The following BCAT2 variants were observed in gnomAD, a reference collection of about 807,000 sequenced individuals.
BCAT2 encodes branched-chain-amino-acid aminotransferase, mitochondrial.
In BCAT2, 44 loss-of-function variants were observed where a neutral mutation model predicts 52.9. The observed-to-expected ratio is 0.83, with a 90% CI of 0.65 to 1.07. The LOEUF (loss-of-function observed/expected upper bound fraction) is 1.07, where lower values mean the gene tolerates loss of function less well. Among genes scored for constraint, BCAT2 ranks in the 50% least tolerant of loss-of-function variants. BCAT2 has a pLI of 0.00. For synonymous variants in BCAT2, 215 were observed against 217.1 expected (o/e 0.99, Z 0.08); for missense variants, 478 against 521.8 (o/e 0.92, Z 0.82).
chr19:48,806,335 C>T (rs539840444), intron 3 of BCAT2, among the ~76,000 whole-genome samples, 182 bp downstream of exon 3: 4 of 151,806 alleles, frequency 2.6e-5, no homozygotes, highest in South Asian at 2.1e-4. Flanking sequence ...CTGCTCATCT[C>T]GGGGAACCCA....
At chr19:48,797,472 A>C in intron 6 of BCAT2, 139 bp from the exon 7 acceptor site, 1 of 1,056,910 alleles carries the variant, frequency 9.5e-7, no homozygotes, top group Non-Finnish European at 1.3e-6. Flanking sequence ...CTGAGATGGA[A>C]TCCTTGACTT....
At chr19:48,798,148 G>A (rs1176260600) in intron 6 of BCAT2, among the ~76,000 whole-genome samples, 9 of 152,078 alleles carry the variant, frequency 5.9e-5, no homozygotes, top group African/African-American at 9.6e-5. Flanking sequence ...CAAGTGATCC[G>A]CCTACCTCGG....
intron 3 of BCAT2, among the ~76,000 whole-genome samples, chr19:48,801,797 C>T (rs1485081419): frequency 3.3e-5 from 5 of 152,124 alleles, no homozygotes; most frequent in South Asian, 4.2e-4. Flanking sequence ...CAACCACGCC[C>T]GGCTAATTTT....
At position 48,795,209 on chromosome 19, in the gene BCAT2, C is replaced by A. The variant is rs2122640946; in HGVS notation, c.*217G>T. The A allele has an allele frequency of 1.6e-6, 1 of 619,080 alleles. No individual in the cohort carries two copies. The highest frequency in any genetic ancestry group is 2.7e-5 in the Admixed American group (1 of 37,588). 38.3% of individuals were successfully genotyped at this position (619,080 alleles called of 1,614,324 possible). ...TGACCGCACGACAAGGAGTAATGGG[C>A]GGACCTGAACCCGCGACGAGGGGCT... On this transcript the variant is annotated 3_prime_UTR_variant, in exon 11 of 11. Coordinates refer to ENST00000316273, the MANE Select transcript of BCAT2 (RefSeq NM_001190.4).
At chr19:48,801,063 T>C (rs1438194906) in intron 3 of BCAT2, among the ~76,000 whole-genome samples, 1 of 151,978 alleles carries the variant, frequency 6.6e-6, no homozygotes, top group Non-Finnish European at 1.5e-5. Flanking sequence ...TCTCTGCTGA[T>C]TGCAACCTCC....
At position 48,799,758 on chromosome 19, in the gene BCAT2, G is replaced by A. The variant is rs1323934181; in HGVS notation, c.612C>T (p.Gly204=). 1 of 1,579,214 alleles carries A rather than the reference G, an allele frequency of 6.3e-7. No individual in the cohort carries two copies. The highest frequency in any genetic ancestry group is 1.9e-5 in the Admixed American group (1 of 53,034). Residue 204 remains glycine, a synonymous_variant, in exon 6 of 11, where the codon GGC becomes GGT. Coordinates refer to ENST00000316273, the MANE Select transcript of BCAT2 (RefSeq NM_001190.4). The surrounding 1 kb of genome is among the most constrained non-coding windows in gnomAD (Gnocchi z 5.5). ...LCPVGAYFPG[G]SVTPVSLLAD... Reference sequence around the variant, plus strand: ...CCAGGAGGGAGACCGGGGTCACGGAGCCTCCAGGGAAGTAGGCACCCACTG... The same window carrying A: ...CCAGGAGGGAGACCGGGGTCACGGAACCTCCAGGGAAGTAGGCACCCACTG...
chr19:48,798,184 C>T (rs79504071), intron 6 of BCAT2, among the ~76,000 whole-genome samples: 1 of 152,138 alleles, frequency 6.6e-6, no homozygotes. Flanking sequence ...GGATTACAAG[C>T]GTGAGCTACC....
chr19:48,807,991 G>A lies in BCAT2; in HGVS notation c.25-917C>T, dbSNP rs1038140965. The A allele has an allele frequency of 1.5e-5, 15 of 986,044 alleles. No individual in the cohort carries two copies. In the Admixed American group the frequency reaches 1.8e-4, roughly 12 times the overall value. The allele number at this position is 986,044 out of a possible 1,614,324, so 61.1% of individuals were successfully genotyped here. Reference sequence around the variant, plus strand: ...CAGCCCTGTGGGGAGGCGTTGGGGCGTGAGGTTGAGAGAGACAGAGTGGCC... The same window carrying A: ...CAGCCCTGTGGGGAGGCGTTGGGGCATGAGGTTGAGAGAGACAGAGTGGCC... On this transcript the variant is annotated intron_variant, in intron 1 of 10. Transcript: ENST00000316273. This position sits in a 1 kb window ranked among gnomAD's most constrained non-coding sequence, Gnocchi z 4.6.
At chr19:48,806,977 A>T in intron 2 of BCAT2, 23 bp downstream of exon 2, 1 of 1,610,490 alleles carries the variant, frequency 6.2e-7, no homozygotes, top group Non-Finnish European at 8.5e-7. Flanking sequence ...CTCAGAGCCA[A>T]GCATCGAGTT....
At position 48,807,105 on chromosome 19, in the gene BCAT2, G is replaced by T. The variant is rs1297774821; in HGVS notation, c.25-31C>A. ...TGGAGAAAGAAGTGAGAGAGGGGGT[G>T]AGTGGGGCACAGCAGGGGCCCTGGC... is the stretch of plus-strand genomic sequence containing the variant. On this transcript the variant is annotated intron_variant, in intron 1 of 10. Transcript: ENST00000316273. This position sits in a 1 kb window ranked among gnomAD's most constrained non-coding sequence, Gnocchi z 4.6. 1.3e-6 allele frequency: 2 copies of T among 1,590,688 alleles called. No homozygotes were observed. The highest frequency in any genetic ancestry group is 1.7e-6 in the Non-Finnish European group (2 of 1,162,210).
rs529689072 is a variant in BCAT2, at chr19:48,797,126, C to A, written c.838+65G>T. On this transcript the variant is annotated intron_variant, in intron 7 of 10. Coordinates refer to ENST00000316273, the MANE Select transcript of BCAT2 (RefSeq NM_001190.4). ...ATCCCAGAATCCCTGGGGCCTGTAA[C>A]CTGCCAGGAATGATGGTGCCACCCA... The A allele has an allele frequency of 2.2e-5, 36 of 1,607,598 alleles. No homozygotes were observed. The East Asian group carries it at 3.8e-4, about 17-fold the overall frequency.
Position 48,802,441 on chromosome 19 carries a change from CTTTTTTTTTTTTT to C in BCAT2, c.301-2157_301-2145del, listed in dbSNP as rs35775607. Among the ~76,000 whole-genome samples, 24 of 87,040 alleles carry C rather than the reference CTTTTTTTTTTTTT, an allele frequency of 2.8e-4. No individual in the cohort carries two copies. In the East Asian group the frequency reaches 8.1e-3, roughly 29 times the overall value. The allele number at this position is 87,040 out of a possible 152,430, so 57.1% of individuals were successfully genotyped here. A position where few individuals can be genotyped will look rare whatever the true frequency, so the allele number is the denominator to read the frequency against. ...AAGAAGGGACGTGTGTACTGGATTCCTTTTTTTTTTTTTTTTTTTTTTTTGAGATGGAGTCTCA... is the reference window on the plus strand; with the variant it reads ...AAGAAGGGACGTGTGTACTGGATTCCTTTTTTTTTTTGAGATGGAGTCTCA... On this transcript the variant is annotated intron_variant, in intron 3 of 10. Transcript: ENST00000316273.
chr19:48,810,213 T>C (rs1209435314), intron 1 of BCAT2, among the ~76,000 whole-genome samples: 2 of 152,168 alleles, frequency 1.3e-5, no homozygotes, highest in Non-Finnish European at 2.9e-5. Flanking sequence ...GATAAGAGAC[T>C]CAAATAAAGT....
intron 2 of BCAT2, 24 bp from the exon 3 acceptor site, chr19:48,806,741 A>G (rs1237382877): frequency 6.2e-7 from 1 of 1,609,652 alleles, no homozygotes; most frequent in Non-Finnish European, 8.5e-7. Flanking sequence ...GGGGTATCCT[A>G]GAATCTGGCC....
At chr19:48,797,814 CT>C (rs11310101) in intron 6 of BCAT2, among the ~76,000 whole-genome samples, 23,786 of 130,464 alleles carry the variant, frequency 0.18, 1,621 homozygotes, top group Non-Finnish European at 0.2. Flanking sequence ...TTCTTTTTTT[CT>C]TTTTTTTTTT....
chr19:48,801,780 G>A (rs909270604), intron 3 of BCAT2, among the ~76,000 whole-genome samples: 1 of 151,950 alleles, frequency 6.6e-6, no homozygotes, highest in Admixed American at 6.6e-5. Context: ...GGGATTACAG[G>A]TGCCTACAAC....
chr19:48,796,597 C>G lies in BCAT2; in HGVS notation c.1046G>C (p.Arg349Pro). The change falls in exon 9 of 11, where the codon CGA (arginine) becomes CCA (proline). Residue 349 changes from arginine (R) to proline (P), a missense_variant. Physicochemically the swap from Arg to Pro is moderately radical, Grantham distance 103. Transcript: ENST00000316273. ...CCTCACCCTGTCTTTGTACAGGATT[C>G]GGTGCACTGGGCAGACCTGGCAAGC... ...GTACQVCPVH[R>P]ILYKDRNLHI... 6.2e-7 allele frequency: 1 copy of G among 1,612,852 alleles called. No individual in the cohort carries two copies.
At chr19:48,808,339 G>C in intron 1 of BCAT2, 1 of 829,320 alleles carries the variant, frequency 1.2e-6, no homozygotes. Flanking sequence ...ATGAAAAAAA[G>C]AGAGTAAGAG....
rs1304189080 is a variant in BCAT2, at chr19:48,799,839, C to A, written c.532-1G>T. 4 of 1,559,532 alleles carry A rather than the reference C, an allele frequency of 2.6e-6. No individual in the cohort carries two copies. Among genetic ancestry groups the A allele is most frequent in the Non-Finnish European group, 3.5e-6 (4 of 1,151,868 alleles). On this transcript the variant is annotated splice_acceptor_variant, in intron 5 of 10. Transcript: ENST00000316273. LOFTEE classifies it high-confidence loss of function. The surrounding 1 kb of genome is among the most constrained non-coding windows in gnomAD (Gnocchi z 5.5). ...TGGGCTGGCTGACACCCAGCGAGGG[C>A]TGCGACGGGCAAAGGGACAGCGTCA...
Sources: gnomAD v4.1 joint callset for allele counts (sites outside exome capture counted in the v4.1 genomes callset) on GRCh38, gnomAD v4.1.1 for gene constraint, Gnocchi (gnomAD v3.1) non-coding constraint, MANE v1.5 for transcripts, NCBI Gene and HGNC (gene_info 2026-07-23, HGNC 2026-07-21) for gene names.